PALS2: variants seen among roughly 807,000 people sequenced by gnomAD.
PALS2 encodes protein PALS2.
Under a neutral mutation model 61.6 loss-of-function variants are expected in PALS2, and 27 were observed. The ratio of observed to expected loss-of-function variants is 0.44; its 90% confidence interval spans 0.32 to 0.60. PALS2 has a LOEUF of 0.60. Ranked by LOEUF, PALS2 falls within the 20% of genes least tolerant of loss-of-function variation. The pLI is 0.05. For synonymous variants in PALS2, 236 were observed against 218.6 expected, an observed-to-expected ratio of 1.08 and a Z score of -0.70; for missense variants, 554 against 639.4, an observed-to-expected ratio of 0.87 and a Z score of 1.44.
intron 9 of PALS2, among the ~76,000 whole-genome samples, chr7:24,673,610 T>C (rs1445958551): frequency 6.6e-6 from 1 of 152,130 alleles, no homozygotes; most frequent in Non-Finnish European, 1.5e-5. Context: ...TAAAATCAGT[T>C]TCAGGATTTC....
At chr7:24,600,830 C>T (rs192662937) in intron 1 of PALS2, among the ~76,000 whole-genome samples, 1 of 152,120 alleles carries the variant, frequency 6.6e-6, no homozygotes, top group East Asian at 1.9e-4. Context: ...TGTCCTCAAG[C>T]GAAAAAATCT....
At chr7:24,648,289 CT>C (rs1265008724) in intron 3 of PALS2, among the ~76,000 whole-genome samples, 2,430 of 118,726 alleles carry the variant, frequency 0.02, 22 homozygotes, top group African/African-American at 0.05. Context: ...AAAAATTATT[CT>C]TTTTTTTTTT....
At chr7:24,664,519 G>A (rs948815544) in intron 6 of PALS2, among the ~76,000 whole-genome samples, 3 of 152,120 alleles carry the variant, frequency 2.0e-5, no homozygotes, top group Non-Finnish European at 4.4e-5. Context: ...AAGGATCCAG[G>A]ACTTAGCACC....
chr7:24,652,326 C>T (rs1181433280), intron 5 of PALS2, among the ~76,000 whole-genome samples: 1 of 152,024 alleles, frequency 6.6e-6, no homozygotes, highest in African/African-American at 2.4e-5. Context: ...GGGCTTTGGC[C>T]CAAATTCCTA....
At chr7:24,574,085 T>G (rs912993253) in intron 1 of PALS2, 1 of 152,300 alleles carries the variant, frequency 6.6e-6, no homozygotes, top group Non-Finnish European at 1.5e-5. Context: ...CTCCGGGGTC[T>G]GTCCCGAGAG....
intron 5 of PALS2, among the ~76,000 whole-genome samples, chr7:24,662,018 G>A (rs181038484): frequency 2.6e-4 from 39 of 152,158 alleles, no homozygotes; most frequent in African/African-American, 9.1e-4. Flanking sequence ...ACATTATCAA[G>A]TTAGCCAATT....
At chr7:24,585,718 A>G (rs1208498015) in intron 1 of PALS2, among the ~76,000 whole-genome samples, 1 of 151,994 alleles carries the variant, frequency 6.6e-6, no homozygotes, top group Non-Finnish European at 1.5e-5. Context: ...TATTTTTTTG[A>G]GACGGAGTCT....
intron 1 of PALS2, among the ~76,000 whole-genome samples, chr7:24,622,964 T>C (rs1254187398): frequency 6.6e-6 from 1 of 152,000 alleles, no homozygotes; most frequent in African/African-American, 2.4e-5. Context: ...GTTTTATTAA[T>C]AGAGTCTGTT....
intron 1 of PALS2, among the ~76,000 whole-genome samples, chr7:24,597,792 T>G (rs746382321): frequency 7.2e-5 from 11 of 152,180 alleles, no homozygotes; most frequent in Non-Finnish European, 1.2e-4. Context: ...TCATAGGTGA[T>G]AAGCTCTTTT....
chr7:24,667,976 A>G (rs1026521984), intron 8 of PALS2, among the ~76,000 whole-genome samples: 2 of 151,916 alleles, frequency 1.3e-5, no homozygotes, highest in Admixed American at 6.6e-5. Context: ...CGATTAGACA[A>G]ATTTTTAAGG....
intron 3 of PALS2, among the ~76,000 whole-genome samples, chr7:24,645,001 A>AAG (rs60802134): frequency 4.5e-5 from 2 of 44,940 alleles, no homozygotes; most frequent in Middle Eastern, 8.5e-3. Flanking sequence ...AAGAACTTGT[A>AAG]TTTGTTTAAG....
At chr7:24,608,449 T>A (rs142977553) in intron 1 of PALS2, among the ~76,000 whole-genome samples, 1 of 152,284 alleles carries the variant, frequency 6.6e-6, no homozygotes, top group East Asian at 1.9e-4. Context: ...TCTTGTCTTA[T>A]GAAACTCTTA....
chr7:24,584,030 A>G (rs1782956788), intron 1 of PALS2, among the ~76,000 whole-genome samples: 2 of 149,928 alleles, frequency 1.3e-5, no homozygotes, highest in Non-Finnish European at 3.0e-5. Context: ...CATGGTGTAT[A>G]TGTGCCACAT....
intron 2 of PALS2, among the ~76,000 whole-genome samples, chr7:24,641,349 A>G (rs894080258): frequency 1.3e-5 from 2 of 152,096 alleles, no homozygotes; most frequent in Non-Finnish European, 2.9e-5. Flanking sequence ...ATTTTAATAA[A>G]ATGTAACAAT....
chr7:24,663,846 C>G (rs1338291897), intron 6 of PALS2, 125 bp downstream of exon 6: 3 of 1,194,792 alleles, frequency 2.5e-6, no homozygotes, highest in Non-Finnish European at 3.5e-6. Flanking sequence ...ATGAACAGCT[C>G]CTGCTTCGTG....
chr7:24,580,870 A>T (rs949566134), intron 1 of PALS2, among the ~76,000 whole-genome samples: 2 of 152,200 alleles, frequency 1.3e-5, no homozygotes. Flanking sequence ...TTCAAGGTCT[A>T]TGTTAAATGC....
At chr7:24,617,034 C>CAGA (rs1784317637) in intron 1 of PALS2, among the ~76,000 whole-genome samples, 2 of 152,124 alleles carry the variant, frequency 1.3e-5, no homozygotes, top group African/African-American at 4.8e-5. Flanking sequence ...TCTTCTGGAA[C>CAGA]TCTCATAATG....
intron 1 of PALS2, among the ~76,000 whole-genome samples, chr7:24,598,703 AGGTTTT>A (rs1783609802): frequency 1.3e-5 from 2 of 152,194 alleles, no homozygotes; most frequent in East Asian, 3.8e-4. Context: ...ATTATGAGCA[AGGTTTT>A]ATGTGTACAC....
chr7:24,647,603 A>G (rs1468524410), intron 3 of PALS2, among the ~76,000 whole-genome samples: 1 of 152,176 alleles, frequency 6.6e-6, no homozygotes, highest in Non-Finnish European at 1.5e-5. Flanking sequence ...CTACATTATT[A>G]GCTAGTATTC....
Sources: allele counts gnomAD v4.1 joint callset (sites outside exome capture counted in the v4.1 genomes callset), GRCh38; gene constraint gnomAD v4.1.1; transcripts MANE v1.5; gene names NCBI Gene and HGNC (gene_info 2026-07-23, HGNC 2026-07-21).